The following IL27 variants were observed in gnomAD, a reference collection of about 807,000 sequenced individuals.
IL27 encodes the protein interleukin-27 subunit alpha.
In IL27, 11 loss-of-function variants were observed where a neutral mutation model predicts 27.0. The ratio of observed to expected loss-of-function variants is 0.41; its 90% CI spans 0.26 to 0.67. The LOEUF (loss-of-function observed/expected upper bound fraction) is 0.67, where lower values mean the gene tolerates loss of function less well. Among genes scored for constraint, IL27 ranks in the 30% least tolerant of loss-of-function variants. The probability of loss-of-function intolerance (pLI) is 0.34; values close to 1 mark genes in which losing one functional copy is unlikely to be tolerated. For missense variants in IL27, 299 were observed against 310.4 expected, an observed-to-expected ratio of 0.96 and a Z score of 0.28; for synonymous variants, 134 against 140.6, an observed-to-expected ratio of 0.95 and a Z score of 0.33.
At chr16:28,504,610 A>G in intron 1 of IL27, among the ~76,000 whole-genome samples, 1 of 149,092 alleles carries the variant, frequency 6.7e-6, no homozygotes. Flanking sequence ...TTTGAAACAG[A>G]GTTCTGTTCT....
chr16:28,501,890 C>T, intron 4 of IL27, 86 bp downstream of exon 4: 2 of 1,464,110 alleles, frequency 1.4e-6, no homozygotes, highest in Non-Finnish European at 1.9e-6. Context: ...CACACTCACA[C>T]ACACTCAGAG....
intron 3 of IL27, among the ~76,000 whole-genome samples, 155 bp from the exon 4 acceptor site, chr16:28,502,289 A>G (rs1021983951): frequency 7.4e-6 from 1 of 135,394 alleles, no homozygotes. Context: ...CTGTGTCCCC[A>G]TTCCTTCCAT....
intron 4 of IL27, among the ~76,000 whole-genome samples, chr16:28,501,300 C>G (rs536262108): frequency 1.3e-5 from 2 of 151,514 alleles, no homozygotes; most frequent in East Asian, 2.0e-4. Context: ...CTTTCACACT[C>G]ACAACACTCA....
intron 2 of IL27, 42 bp from the exon 3 acceptor site, chr16:28,503,835 G>A: frequency 6.2e-7 from 1 of 1,612,212 alleles, no homozygotes; most frequent in Non-Finnish European, 8.5e-7. Flanking sequence ...AAGGGATTGG[G>A]GGTCTGCCCA....
intron 4 of IL27, among the ~76,000 whole-genome samples, chr16:28,500,968 G>T (rs1190014227): frequency 6.6e-5 from 10 of 152,164 alleles, no homozygotes; most frequent in African/African-American, 2.4e-4. Flanking sequence ...GGGAAGCCGA[G>T]GCGGGCAGAG....
At chr16:28,500,484 AG>A (rs1478607249) in intron 4 of IL27, among the ~76,000 whole-genome samples, 1 of 152,064 alleles carries the variant, frequency 6.6e-6, no homozygotes, top group African/African-American at 2.4e-5. Context: ...CATGTTGGCC[AG>A]GCTGGTCTCG....
chr16:28,502,616 C>A (rs2046439074), intron 3 of IL27, among the ~76,000 whole-genome samples: 1 of 152,060 alleles, frequency 6.6e-6, no homozygotes, highest in Admixed American at 6.6e-5. Context: ...ATCCCCATCC[C>A]TTCTCCATCC....
rs765196970 is a variant in IL27 at position 28,499,845 on chromosome 16, G to A, written c.538C>T (p.Leu180=). 1 of 1,566,446 alleles carries A rather than the reference G, an allele frequency of 6.4e-7. No individual in the cohort carries two copies. Residue 180 remains leucine (L), a synonymous_variant, in exon 5 of 5, where the codon CTG becomes TTG. Coordinates refer to ENST00000356897, the MANE Select transcript of IL27 (RefSeq NM_145659.3). ...GCGCTGCCCAGTGCCCCTGGGAGCA[G>A]CCCCTTCCTCTCCTCCTCCTCCTCC... ...EEEEEEERKG[L]LPGALGSALQ...
intron 1 of IL27, among the ~76,000 whole-genome samples, chr16:28,504,563 T>G (rs1313281028): frequency 6.7e-6 from 1 of 149,382 alleles, no homozygotes; most frequent in Non-Finnish European, 1.5e-5. Context: ...TGCCCACTTT[T>G]GCAAAAAGAC....
At chr16:28,502,495 T>G (rs2046438390) in intron 3 of IL27, among the ~76,000 whole-genome samples, 1 of 151,478 alleles carries the variant, frequency 6.6e-6, no homozygotes, top group African/African-American at 2.4e-5. Flanking sequence ...TCATTCCCAT[T>G]CCTAACCCCA....
At chr16:28,506,324 A>AC (rs1284866376) in intron 1 of IL27, among the ~76,000 whole-genome samples, 1 of 151,920 alleles carries the variant, frequency 6.6e-6, no homozygotes, top group East Asian at 1.9e-4. Flanking sequence ...CGCAGATTGG[A>AC]CCTCTTTCCA....
chr16:28,506,001 G>A (rs1442950392), intron 1 of IL27, among the ~76,000 whole-genome samples: 3 of 152,084 alleles, frequency 2.0e-5, no homozygotes, highest in Non-Finnish European at 2.9e-5. Context: ...GGGGCCACTC[G>A]GACCCTCTGA....
intron 4 of IL27, among the ~76,000 whole-genome samples, chr16:28,500,828 G>A (rs1431578989): frequency 3.3e-5 from 5 of 152,210 alleles, no homozygotes; most frequent in Non-Finnish European, 5.9e-5. Context: ...GTGTGCGCCT[G>A]CACACACGCA....
At chr16:28,502,247 A>T (rs1204770910) in intron 3 of IL27, 113 bp from the exon 4 acceptor site, 28 of 962,648 alleles carry the variant, frequency 2.9e-5, no homozygotes, top group Non-Finnish European at 3.8e-5. Context: ...CCTCCAGTCC[A>T]TCCCTGTAGC....
chr16:28,505,626 CT>C (rs768198560), intron 1 of IL27, among the ~76,000 whole-genome samples: 6 of 152,134 alleles, frequency 3.9e-5, no homozygotes, highest in Non-Finnish European at 8.8e-5. Context: ...CCCAGAATGG[CT>C]GAATTCCGAG....
At chr16:28,506,701 A>AC (rs1225408111) in intron 1 of IL27, 80 bp downstream of exon 1, 1 of 1,373,710 alleles carries the variant, frequency 7.3e-7, no homozygotes, top group Non-Finnish European at 1.0e-6. Flanking sequence ...TCAGCTCTCG[A>AC]CCCCCCATCT....
At chr16:28,502,260 T>C in intron 3 of IL27, 126 bp from the exon 4 acceptor site, 2 of 806,724 alleles carry the variant, frequency 2.5e-6, no homozygotes, top group Non-Finnish European at 1.9e-6. Context: ...CCTGTAGCTC[T>C]TCCCCCACCT....
intron 4 of IL27, among the ~76,000 whole-genome samples, chr16:28,500,182 T>C (rs1410095893): frequency 1.3e-5 from 2 of 152,062 alleles, no homozygotes; most frequent in Non-Finnish European, 2.9e-5. Flanking sequence ...AGGCGTGGGG[T>C]TCAGGAAGTT....
rs2046420484 is a variant in IL27 at position 28,499,855 on chromosome 16, CTCCTCCTCCTCCTCCTCCTCT to C, written c.507_527del (p.Glu170_Glu176del). 4.1e-6 allele frequency: 6 copies of C among 1,455,136 alleles called. No individual in the cohort carries two copies. Among genetic ancestry groups the C allele is most frequent in the East Asian group, 2.6e-5 (1 of 39,044 alleles). The allele number at this position is 1,455,136 out of a possible 1,614,324, so 90.1% of individuals were successfully genotyped here. ...GTGCCCCTGGGAGCAGCCCCTTCCT[CTCCTCCTCCTCCTCCTCCTCT>C]TCCTCCTCCTCCTCCTCCGGGAGGT... On this transcript the variant is annotated inframe_deletion, in exon 5 of 5. Coordinates refer to ENST00000356897, the MANE Select transcript of IL27 (RefSeq NM_145659.3).
Sources: gnomAD v4.1 joint callset for allele counts (sites outside exome capture counted in the v4.1 genomes callset) on GRCh38, gnomAD v4.1.1 for gene constraint, MANE v1.5 for transcripts, NCBI Gene and HGNC (gene_info 2026-07-23, HGNC 2026-07-21) for gene names.